Variants in CLASP2 observed in about 807,000 individuals in gnomAD.
The protein encoded by CLASP2 is cytoplasmic linker associated protein 2, also known as CLIP-associating protein 2.
Under a neutral mutation model 194.4 loss-of-function variants are expected in CLASP2, and 47 were observed. The ratio of observed to expected loss-of-function variants is 0.24; its 90% confidence interval spans 0.19 to 0.31. CLASP2 has a LOEUF of 0.31. CLASP2 is among the 10% of genes least tolerant of loss of function. CLASP2 has a pLI of 1.00. For synonymous variants in CLASP2, 619 were observed against 633.5 expected (o/e 0.98, Z 0.34); for missense variants, 1,445 against 1,823.6 (o/e 0.79, Z 3.78).
chr3:33,579,750 T>A (rs776917975), intron 23 of CLASP2, among the ~76,000 whole-genome samples: 84 of 152,288 alleles, frequency 5.5e-4, no homozygotes, highest in Non-Finnish European at 8.8e-4. Flanking sequence ...ACTATTATTA[T>A]CCTTGTTTTA....
chr3:33,608,996 AAGGCTG>A (rs572708602), intron 13 of CLASP2, among the ~76,000 whole-genome samples: 2 of 152,036 alleles, frequency 1.3e-5, no homozygotes, highest in Non-Finnish European at 2.9e-5. Context: ...TATAAACCTT[AAGGCTG>A]GGCGTTGTGG....
rs569983174 is a variant in CLASP2, at chr3:33,606,247, G to C, written c.1694+344C>G. 3.9e-5 allele frequency among the ~76,000 whole-genome samples: 6 copies of C among 152,172 alleles called. No homozygotes were observed. The South Asian group carries it at 1.2e-3, about 32-fold the overall frequency. The stretch of plus-strand genomic sequence containing the variant: ...TCACATAGTGTTGTAGAATTCTCAA[G>C]ATAACTTCTGAATCTCCATTACAAT... On this transcript the variant is annotated intron_variant, in intron 16 of 38. Transcript: ENST00000682230.
At chr3:33,655,873 T>C (rs1219028898) in intron 7 of CLASP2, among the ~76,000 whole-genome samples, 1 of 152,208 alleles carries the variant, frequency 6.6e-6, no homozygotes, top group African/African-American at 2.4e-5. Context: ...AATAATAGAC[T>C]GTGCTGAAAT....
chr3:33,537,030 A>T (rs2057466264), intron 33 of CLASP2, among the ~76,000 whole-genome samples: 1 of 152,214 alleles, frequency 6.6e-6, no homozygotes, highest in Non-Finnish European at 1.5e-5. Context: ...TACTTACAAC[A>T]ACTTTTAAGG....
In CLASP2 at chr3:33,611,183, A is replaced by T. The variant is rs115831843; in HGVS notation, c.1388+818T>A. Among the ~76,000 whole-genome samples, 691 of 152,278 alleles carry T rather than the reference A, an allele frequency of 4.5e-3. 6 individuals carry two copies. Among genetic ancestry groups the T allele is most frequent in the African/African-American group, 0.016 (652 of 41,556 alleles). On this transcript the variant is annotated intron_variant, in intron 13 of 38. Transcript: ENST00000682230. ...ACAACCTTGCACAAAGGCTATCGCA[A>T]CCTTACAAAAACAAACAAACAAACA...
chr3:33,596,633 A>G, intron 19 of CLASP2, 78 bp downstream of exon 19: 1 of 953,314 alleles, frequency 1.0e-6, no homozygotes, highest in Non-Finnish European at 1.6e-6. Flanking sequence ...AGAAATTAAG[A>G]GAAGAATGAA....
chr3:33,628,847 T>C (rs1387946676), intron 9 of CLASP2, among the ~76,000 whole-genome samples: 1 of 151,964 alleles, frequency 6.6e-6, no homozygotes, highest in Non-Finnish European at 1.5e-5. Context: ...AATTCCAATA[T>C]TCAACAGGCA....
At chr3:33,630,455 T>G (rs571827951) in intron 9 of CLASP2, among the ~76,000 whole-genome samples, 1 of 152,010 alleles carries the variant, frequency 6.6e-6, no homozygotes, top group African/African-American at 2.4e-5. Context: ...ATAGGAATAA[T>G]GGTCACAAAG....
intron 18 of CLASP2, among the ~76,000 whole-genome samples, chr3:33,601,855 AC>A (rs1243473186): frequency 2.6e-5 from 4 of 152,096 alleles, no homozygotes; most frequent in Admixed American, 2.6e-4. Flanking sequence ...CTATACTCAT[AC>A]CTAAATTCTC....
intron 7 of CLASP2, among the ~76,000 whole-genome samples, chr3:33,656,380 A>G (rs1328501627): frequency 6.6e-6 from 1 of 152,244 alleles, no homozygotes; most frequent in East Asian, 1.9e-4. Context: ...AGAAGGAAAT[A>G]TAAATAACCA....
intron 22 of CLASP2, among the ~76,000 whole-genome samples, chr3:33,582,988 T>C (rs376859482): frequency 6.6e-6 from 1 of 152,112 alleles, no homozygotes; most frequent in Admixed American, 6.5e-5. Flanking sequence ...CAAGTAAGGT[T>C]TCAAAAAGCT....
intron 12 of CLASP2, among the ~76,000 whole-genome samples, chr3:33,619,197 T>C (rs1226018498): frequency 2.0e-5 from 3 of 152,222 alleles, no homozygotes; most frequent in Non-Finnish European, 4.4e-5. Flanking sequence ...TATAATCTTA[T>C]GGGACCACTG....
chr3:33,541,590 T>G (rs887393391), intron 32 of CLASP2, among the ~76,000 whole-genome samples: 1 of 152,148 alleles, frequency 6.6e-6, no homozygotes, highest in Non-Finnish European at 1.5e-5. Context: ...GCAGTATTTT[T>G]TTGTTGTTGT....
At chr3:33,518,663 T>C (rs2052118746) in intron 34 of CLASP2, among the ~76,000 whole-genome samples, 2 of 152,152 alleles carry the variant, frequency 1.3e-5, no homozygotes, top group Admixed American at 1.3e-4. Context: ...ATTCTAAGAG[T>C]GTCTTTTATT....
At chr3:33,710,015 A>G (rs541645428) in intron 1 of CLASP2, among the ~76,000 whole-genome samples, 2 of 152,328 alleles carry the variant, frequency 1.3e-5, no homozygotes, top group Admixed American at 1.3e-4. Context: ...ATGAAACAAT[A>G]TGATATCTGT....
At chr3:33,686,556 C>T (rs1274408605) in intron 5 of CLASP2, among the ~76,000 whole-genome samples, 2 of 152,156 alleles carry the variant, frequency 1.3e-5, no homozygotes, top group African/African-American at 2.4e-5. Flanking sequence ...ACCATCCCTA[C>T]CCCGCCCATG....
rs778888055 is a variant in CLASP2, at chr3:33,535,286, T to C, written c.3734A>G (p.Lys1245Arg). 28 of 1,613,996 alleles carry C rather than the reference T, an allele frequency of 1.7e-5. No individual in the cohort carries two copies. Among genetic ancestry groups the C allele is most frequent in the Non-Finnish European group, 2.4e-5 (28 of 1,179,868 alleles). ...AAACATGGCTTCCTTGAGGGCAGAC[T>C]TGTTGAAGGGACTGATGCTATCTGA... ...NYSDSISPFN[K>R]SALKEAMFDD... The change falls in exon 34 of 39, where the codon AAG (lysine) becomes AGG (arginine). Residue 1245 changes from lysine (K) to arginine (R), a missense_variant. This residue lies in a region of CLASP2 where 732 missense variants were observed against 987.9 expected (regional missense o/e 0.74). Coordinates refer to ENST00000682230, the MANE Select transcript of CLASP2 (RefSeq NM_001365631.1).
chr3:33,581,574 C>A (rs2066149990), intron 23 of CLASP2, among the ~76,000 whole-genome samples: 1 of 152,140 alleles, frequency 6.6e-6, no homozygotes, highest in Non-Finnish European at 1.5e-5. Flanking sequence ...GAAGTTTAAA[C>A]CTGTGTGACA....
intron 26 of CLASP2, among the ~76,000 whole-genome samples, chr3:33,569,694 G>C (rs2063398596): frequency 6.6e-6 from 1 of 151,956 alleles, no homozygotes; most frequent in Non-Finnish European, 1.5e-5. Context: ...CTTTTAATGG[G>C]ATATTTTACC....
Sources: allele counts gnomAD v4.1 joint callset (sites outside exome capture counted in the v4.1 genomes callset), GRCh38; gene constraint gnomAD v4.1.1; regional missense constraint gnomAD v4.1.1; transcripts MANE v1.5; gene names NCBI Gene and HGNC (gene_info 2026-07-23, HGNC 2026-07-21).